Variants in CPNE4 observed in about 807,000 individuals in gnomAD.
CPNE4 encodes the protein copine 4.
Under a neutral mutation model 67.9 loss-of-function variants are expected in CPNE4, and 25 were observed. The observed-to-expected ratio is 0.37, with a 90% CI of 0.27 to 0.51. The LOEUF is 0.51. CPNE4 is among the 20% of genes least tolerant of loss of function. The probability of loss-of-function intolerance (pLI) is 0.93; values close to 1 mark genes in which losing one functional copy is unlikely to be tolerated. For missense variants in CPNE4, 464 were observed against 690.8 expected, an observed-to-expected ratio of 0.67 and a Z score of 3.68; for synonymous variants, 242 against 244.9, an observed-to-expected ratio of 0.99 and a Z score of 0.11.
chr3:131,701,782 A>G (rs1266631162), intron 3 of CPNE4, among the ~76,000 whole-genome samples: 2 of 152,188 alleles, frequency 1.3e-5, no homozygotes, highest in Non-Finnish European at 2.9e-5. Flanking sequence ...CACAGAGACA[A>G]AAATATATGA....
upstream of CPNE4, among the ~76,000 whole-genome samples, chr3:132,036,296 C>A (rs185588517): frequency 3.7e-4 from 57 of 152,148 alleles, no homozygotes; most frequent in African/African-American, 1.3e-3. Flanking sequence ...ATAAGTCAAT[C>A]GTTGTGACCT....
At chr3:131,589,367 A>G (rs998044171) in intron 7 of CPNE4, among the ~76,000 whole-genome samples, 5 of 152,206 alleles carry the variant, frequency 3.3e-5, no homozygotes, top group African/African-American at 1.2e-4. Flanking sequence ...GGAAGGAAGC[A>G]TCTGGCTTAG....
At chr3:131,655,994 G>A (rs1283255719) in intron 7 of CPNE4, among the ~76,000 whole-genome samples, 1 of 150,862 alleles carries the variant, frequency 6.6e-6, no homozygotes, top group Non-Finnish European at 1.5e-5. Flanking sequence ...TAAGATTTTA[G>A]GCCTCTTTCC....
At chr3:131,893,163 C>T (rs1583414272) in intron 2 of CPNE4, among the ~76,000 whole-genome samples, 1 of 151,630 alleles carries the variant, frequency 6.6e-6, no homozygotes, top group African/African-American at 2.4e-5. Flanking sequence ...CAGACAGAGA[C>T]AAAAAGTGTG....
chr3:132,021,413 GTT>G (rs531822010), intron 1 of CPNE4, among the ~76,000 whole-genome samples: 90 of 150,978 alleles, frequency 6.0e-4, no homozygotes, highest in Middle Eastern at 3.4e-3. Context: ...CCCTATATAT[GTT>G]TCCTATGTAG....
intron 2 of CPNE4, among the ~76,000 whole-genome samples, chr3:131,832,649 T>C (rs896282219): frequency 7.9e-5 from 12 of 152,246 alleles, no homozygotes; most frequent in African/African-American, 2.7e-4. Flanking sequence ...TGTCCCACTA[T>C]TGTATTTTGG....
intron 1 of CPNE4, among the ~76,000 whole-genome samples, chr3:132,020,263 G>C (rs1162002787): frequency 6.6e-6 from 1 of 152,218 alleles, no homozygotes; most frequent in Non-Finnish European, 1.5e-5. Flanking sequence ...AGGCAGGGCT[G>C]CTCCGTCTGA....
chr3:131,732,832 T>C (rs2082158293), intron 2 of CPNE4, among the ~76,000 whole-genome samples: 1 of 152,246 alleles, frequency 6.6e-6, no homozygotes, highest in African/African-American at 2.4e-5. Flanking sequence ...GGTGAAATTG[T>C]GTCCATTCTG....
chr3:131,832,205 C>G (rs1292676681), intron 2 of CPNE4, among the ~76,000 whole-genome samples: 1 of 151,976 alleles, frequency 6.6e-6, no homozygotes, highest in Admixed American at 6.6e-5. Flanking sequence ...TGATTGTAAA[C>G]TCCCAAAACT....
intron 7 of CPNE4, among the ~76,000 whole-genome samples, chr3:131,623,317 G>A (rs1395444470): frequency 6.6e-6 from 1 of 151,920 alleles, no homozygotes; most frequent in African/African-American, 2.4e-5. Context: ...GATGATTTTT[G>A]TTCAGGTTAT....
chr3:131,831,619 C>A (rs961510326), intron 2 of CPNE4, among the ~76,000 whole-genome samples: 1 of 152,106 alleles, frequency 6.6e-6, no homozygotes, highest in Non-Finnish European at 1.5e-5. Context: ...TTAAAAGATA[C>A]AGAAACATAC....
chr3:131,999,774 T>G (rs919911298), intron 1 of CPNE4, among the ~76,000 whole-genome samples: 6 of 152,160 alleles, frequency 3.9e-5, no homozygotes, highest in African/African-American at 7.2e-5. Flanking sequence ...CAAATTTTTT[T>G]CATAGTAAAA....
chr3:131,626,923 G>A (rs1490993126), intron 7 of CPNE4, among the ~76,000 whole-genome samples: 8 of 152,238 alleles, frequency 5.3e-5, no homozygotes, highest in South Asian at 2.1e-4. Flanking sequence ...TGCTGGGCAC[G>A]GTGGCTCACG....
At chr3:131,604,764 C>A (rs905615324) in intron 7 of CPNE4, among the ~76,000 whole-genome samples, 3 of 147,128 alleles carry the variant, frequency 2.0e-5, no homozygotes, top group Non-Finnish European at 3.0e-5. Flanking sequence ...ATAAACTCCC[C>A]TTTATATATA....
At chr3:131,787,530 A>C (rs948847895) in intron 2 of CPNE4, among the ~76,000 whole-genome samples, 1 of 152,126 alleles carries the variant, frequency 6.6e-6, no homozygotes, top group African/African-American at 2.4e-5. Flanking sequence ...GTGTTCTGCA[A>C]CCAAGGCAGA....
chr3:131,882,218 G>A (rs1358360493), intron 2 of CPNE4, among the ~76,000 whole-genome samples: 1 of 151,562 alleles, frequency 6.6e-6, no homozygotes, highest in Non-Finnish European at 1.5e-5. Flanking sequence ...ATAAGTTATG[G>A]TTTAATTATA....
intron 3 of CPNE4, among the ~76,000 whole-genome samples, chr3:131,708,341 T>G (rs11714960): frequency 0.32 from 49,002 of 151,836 alleles, 8,152 homozygotes; most frequent in Middle Eastern, 0.37. Flanking sequence ...TGAAGAGCTT[T>G]GTTTTGGGCT....
chr3:131,969,601 G>A (rs955182743), intron 1 of CPNE4, among the ~76,000 whole-genome samples: 7 of 152,072 alleles, frequency 4.6e-5, no homozygotes, highest in Non-Finnish European at 7.4e-5. Flanking sequence ...ACTAAGAACA[G>A]TGCTCTCAAC....
At chr3:131,637,023 C>A (rs540583554) in intron 7 of CPNE4, among the ~76,000 whole-genome samples, 7 of 152,176 alleles carry the variant, frequency 4.6e-5, no homozygotes, top group Admixed American at 4.6e-4. Context: ...CCCAGTGGGA[C>A]AAAAGAATCT....
Sources: allele counts gnomAD v4.1 joint callset (sites outside exome capture counted in the v4.1 genomes callset), GRCh38; gene constraint gnomAD v4.1.1; transcripts MANE v1.5; gene names NCBI Gene and HGNC (gene_info 2026-07-23, HGNC 2026-07-21).